Variants in SNX29 observed in about 807,000 individuals in gnomAD.
SNX29 encodes the protein sorting nexin-29.
A neutral mutation model predicts 102.1 loss-of-function variants in SNX29; 78 were observed. The ratio of observed to expected loss-of-function variants is 0.76; its 90% confidence interval spans 0.64 to 0.92. The LOEUF (loss-of-function observed/expected upper bound fraction) is 0.92, where lower values mean the gene tolerates loss of function less well. Among genes scored for constraint, SNX29 ranks in the 40% least tolerant of loss-of-function variants. SNX29 has a pLI of 0.00. For synonymous variants in SNX29, 580 were observed against 414.5 expected (o/e 1.40, Z -4.85); for missense variants, 1,280 against 1,061.7 (o/e 1.21, Z -2.86).
chr16:12,548,471 G>C (rs952316485), intron 20 of SNX29, among the ~76,000 whole-genome samples: 2 of 152,166 alleles, frequency 1.3e-5, no homozygotes, highest in Non-Finnish European at 2.9e-5. Flanking sequence ...GGACAGCACC[G>C]GGCTTTCAGG....
At chr16:12,536,479 A>G (rs1597800176) in intron 20 of SNX29, among the ~76,000 whole-genome samples, 1 of 152,146 alleles carries the variant, frequency 6.6e-6, no homozygotes, top group South Asian at 2.1e-4. Context: ...TTACTTTATC[A>G]GTGATCCTGG....
intron 1 of SNX29, among the ~76,000 whole-genome samples, chr16:11,995,365 C>A (rs2056025807): frequency 6.6e-6 from 1 of 152,118 alleles, no homozygotes; most frequent in African/African-American, 2.4e-5. Flanking sequence ...CTGTGCCTGG[C>A]TGACCCCTTT....
At chr16:12,218,825 A>T (rs1382562622) in intron 14 of SNX29, among the ~76,000 whole-genome samples, 1 of 152,016 alleles carries the variant, frequency 6.6e-6, no homozygotes, top group Non-Finnish European at 1.5e-5. Flanking sequence ...CCCAGTCTGG[A>T]GTGCAGTGGC....
intron 13 of SNX29, among the ~76,000 whole-genome samples, chr16:12,180,971 G>A (rs1157735180): frequency 6.6e-6 from 1 of 151,948 alleles, no homozygotes; most frequent in Non-Finnish European, 1.5e-5. Context: ...CTAATGTCTC[G>A]CTCCTGCTAA....
Position 12,403,430 on chromosome 16 carries a change from T to C in SNX29, c.1956-18T>C, listed in dbSNP as rs776729298. On this transcript the variant is annotated intron_variant, in intron 17 of 20. Transcript: ENST00000566228. ...TTAAAATGTCTAATGTTGGTCTCTC[T>C]CTCTTCCTTTTGGTTAGATCAAACC... is the stretch of plus-strand genomic sequence containing the variant. 4.4e-6 allele frequency: 7 copies of C among 1,594,352 alleles called. No individual in the cohort carries two copies. The highest frequency in any genetic ancestry group is 5.1e-6 in the Non-Finnish European group (6 of 1,168,890).
intron 3 of SNX29, among the ~76,000 whole-genome samples, chr16:12,026,756 CAT>C (rs1426524904): frequency 6.6e-6 from 1 of 152,114 alleles, no homozygotes; most frequent in African/African-American, 2.4e-5. Context: ...CATGTAATCT[CAT>C]ATAATCTCTT....
intron 18 of SNX29, among the ~76,000 whole-genome samples, chr16:12,469,973 A>C (rs1234923925): frequency 1.3e-5 from 2 of 152,198 alleles, no homozygotes; most frequent in African/African-American, 4.8e-5. Flanking sequence ...AGATCGCGCC[A>C]TTGCACTCCA....
intron 16 of SNX29, among the ~76,000 whole-genome samples, chr16:12,395,044 G>T (rs773708016): frequency 6.6e-6 from 1 of 152,176 alleles, no homozygotes; most frequent in Non-Finnish European, 1.5e-5. Flanking sequence ...ACCACAATGG[G>T]AGGAGGTGTA....
intron 14 of SNX29, among the ~76,000 whole-genome samples, chr16:12,249,511 G>A (rs1324929778): frequency 6.6e-6 from 1 of 152,018 alleles, no homozygotes; most frequent in Non-Finnish European, 1.5e-5. Flanking sequence ...TGGATCCCAG[G>A]AGGTGGGGTT....
chr16:12,444,046 A>G (rs1319372950), intron 18 of SNX29, among the ~76,000 whole-genome samples: 1 of 151,938 alleles, frequency 6.6e-6, no homozygotes, highest in Non-Finnish European at 1.5e-5. Flanking sequence ...AGCACCTAGC[A>G]CGTAGTAAGC....
chr16:12,181,419 T>A (rs184609032), intron 13 of SNX29, among the ~76,000 whole-genome samples: 1 of 152,144 alleles, frequency 6.6e-6, no homozygotes, highest in African/African-American at 2.4e-5. Context: ...CTAGGTAGAT[T>A]AGAGACAAAT....
chr16:12,467,248 A>G (rs1213046129), intron 18 of SNX29, among the ~76,000 whole-genome samples: 2 of 152,132 alleles, frequency 1.3e-5, no homozygotes, highest in African/African-American at 4.8e-5. Flanking sequence ...TGCTAAAAAT[A>G]TTTCCTTTTC....
At chr16:12,367,484 A>G (rs1475799160) in intron 16 of SNX29, 1 of 152,236 alleles carries the variant, frequency 6.6e-6, no homozygotes, top group Admixed American at 6.5e-5. Flanking sequence ...TGGGAGAGAA[A>G]GATGAGTAAT....
chr16:12,242,110 A>C (rs536410470), intron 14 of SNX29, among the ~76,000 whole-genome samples: 12 of 151,840 alleles, frequency 7.9e-5, no homozygotes, highest in Non-Finnish European at 1.8e-4. Context: ...AGCTGGGGAG[A>C]ATTGGCTTCC....
At chr16:12,107,498 C>T (rs1245000453) in intron 11 of SNX29, among the ~76,000 whole-genome samples, 1 of 152,070 alleles carries the variant, frequency 6.6e-6, no homozygotes, top group African/African-American at 2.4e-5. Flanking sequence ...GAAACCCCGT[C>T]TCTACTGAAA....
chr16:12,544,172 A>G (rs1432829305), intron 20 of SNX29, among the ~76,000 whole-genome samples: 1 of 152,214 alleles, frequency 6.6e-6, no homozygotes, highest in Non-Finnish European at 1.5e-5. Flanking sequence ...CGGGATGGGA[A>G]TCGGTGGTGT....
intron 17 of SNX29, among the ~76,000 whole-genome samples, chr16:12,400,384 A>T (rs111496012): frequency 0.015 from 2,218 of 152,200 alleles, 45 homozygotes; most frequent in African/African-American, 0.038. Flanking sequence ...CACTGTTCTA[A>T]CTCACTCAGT....
intron 1 of SNX29, among the ~76,000 whole-genome samples, chr16:11,978,798 G>A (rs1022718670): frequency 1.3e-5 from 2 of 152,134 alleles, no homozygotes; most frequent in Middle Eastern, 3.4e-3. Context: ...GGTGGCACGC[G>A]CCTGTAATCC....
At chr16:12,531,987 G>T (rs7195492) in intron 20 of SNX29, among the ~76,000 whole-genome samples, 1 of 152,020 alleles carries the variant, frequency 6.6e-6, no homozygotes, top group East Asian at 1.9e-4. Flanking sequence ...ATCACAGTTT[G>T]GAGGAATCCA....
Sources: allele counts gnomAD v4.1 joint callset (sites outside exome capture counted in the v4.1 genomes callset), GRCh38; gene constraint gnomAD v4.1.1; transcripts MANE v1.5; gene names NCBI Gene and HGNC (gene_info 2026-07-23, HGNC 2026-07-21).